Variants in DPYSL4 observed in about 807,000 individuals in gnomAD.
DPYSL4 encodes dihydropyrimidinase like 4.
A neutral mutation model predicts 63.4 loss-of-function variants in DPYSL4; 43 were observed. The ratio of observed to expected loss-of-function variants is 0.68; its 90% CI spans 0.53 to 0.88. The LOEUF (loss-of-function observed/expected upper bound fraction) is 0.88, where lower values mean the gene tolerates loss of function less well. Ranked by LOEUF, DPYSL4 falls within the 40% of genes least tolerant of loss-of-function variation. The pLI is 0.00. For synonymous variants in DPYSL4, 353 were observed against 331.7 expected (o/e 1.06, Z -0.70); for missense variants, 733 against 819.5 (o/e 0.89, Z 1.29).
chr10:132,191,127 T>G (rs28620376), intron 2 of DPYSL4, among the ~76,000 whole-genome samples: 2,588 of 47,964 alleles, frequency 0.054, 62 homozygotes, highest in East Asian at 0.24. Flanking sequence ...ATCCAGGCAG[T>G]TGAAAGTATG....
At chr10:132,188,399 G>A (rs2061832806) in intron 1 of DPYSL4, among the ~76,000 whole-genome samples, 2 of 152,188 alleles carry the variant, frequency 1.3e-5, no homozygotes, top group African/African-American at 2.4e-5. Flanking sequence ...GCCCGGTTGC[G>A]TTTTCTAGGG....
At chr10:132,195,038 G>A (rs191042321) in intron 4 of DPYSL4, 29 bp downstream of exon 4, 349 of 1,589,264 alleles carry the variant, frequency 2.2e-4, no homozygotes, top group African/African-American at 1.8e-3. Flanking sequence ...GCTGGAGGGC[G>A]GGCATGGAGC....
chr10:132,193,516 A>G (rs1419131879), intron 3 of DPYSL4, among the ~76,000 whole-genome samples: 2 of 152,196 alleles, frequency 1.3e-5, no homozygotes, highest in South Asian at 2.1e-4. Flanking sequence ...TGGTGAGCTC[A>G]GGAGGCAGGA....
intron 12 of DPYSL4, chr10:132,203,548 G>C: frequency 1.7e-6 from 1 of 579,612 alleles, no homozygotes; most frequent in Non-Finnish European, 3.1e-6. Context: ...CATTATACAC[G>C]TATGGGGAGG....
intron 4 of DPYSL4, among the ~76,000 whole-genome samples, chr10:132,196,034 C>T (rs568184159): frequency 3.5e-4 from 53 of 152,366 alleles, no homozygotes; most frequent in African/African-American, 1.3e-3. Flanking sequence ...AGGCCTCAAA[C>T]TCCAGGTCAC....
chr10:132,195,959 C>T (rs552911721), intron 4 of DPYSL4, among the ~76,000 whole-genome samples: 18 of 152,326 alleles, frequency 1.2e-4, no homozygotes, highest in Non-Finnish European at 2.2e-4. Context: ...CCTGTGCCCA[C>T]GGGGTAGTGT....
chr10:132,195,475 G>A (rs1210241140), intron 4 of DPYSL4, among the ~76,000 whole-genome samples: 1 of 152,190 alleles, frequency 6.6e-6, no homozygotes, highest in South Asian at 2.1e-4. Flanking sequence ...GGTTTGACAA[G>A]TGGCATATCT....
chr10:132,197,210 A>G (rs2061957668), intron 6 of DPYSL4, 109 bp downstream of exon 6: 9 of 967,856 alleles, frequency 9.3e-6, no homozygotes, highest in Admixed American at 2.9e-5. Context: ...ATACGCAGAC[A>G]TCAGCACAGA....
In DPYSL4 at chr10:132,199,554, TA is replaced by T. The variant is rs932109271; in HGVS notation, c.811+586del. Among the ~76,000 whole-genome samples, 8 of 151,696 alleles carry T rather than the reference TA, an allele frequency of 5.3e-5. No individual in the cohort carries two copies. The South Asian group carries it at 1.3e-3, about 24-fold the overall frequency. ...CCAGGCACAGAACCCAGGTGACGGG[TA>T]AATGAGGGGGCATCCCCTAGGCGGC... On this transcript the variant is annotated intron_variant, in intron 8 of 13. Coordinates refer to ENST00000338492, the MANE Select transcript of DPYSL4 (RefSeq NM_006426.3).
In DPYSL4 at chr10:132,201,978, C is replaced by T. The variant is rs570455781; in HGVS notation, c.1143C>T (p.Val381=). 6.8e-6 allele frequency: 11 copies of T among 1,613,106 alleles called. No homozygotes were observed. The highest frequency in any genetic ancestry group is 4.5e-5 in the East Asian group (2 of 44,886). Residue 381 remains valine, a synonymous_variant, in exon 11 of 14, where the codon GTC becomes GTT. Coordinates refer to ENST00000338492, the MANE Select transcript of DPYSL4 (RefSeq NM_006426.3). The stretch of plus-strand genomic sequence containing the variant: ...GGAAGATGGACGAGAATGAGTTCGT[C>T]GCGGTGACCAGTACAAATGCTGCCA... ...ASGKMDENEF[V]AVTSTNAAKI... is the part of the protein sequence containing the mutation.
At chr10:132,192,535 G>T (rs1030639550) in intron 2 of DPYSL4, 123 bp from the exon 3 acceptor site, 146 of 1,443,284 alleles carry the variant, frequency 1.0e-4, no homozygotes, top group Non-Finnish European at 1.3e-4. Flanking sequence ...GTGGCCGGCC[G>T]TGCTGGCCTT....
At chr10:132,202,923 A>C in intron 12 of DPYSL4, 98 bp downstream of exon 12, 1 of 1,430,610 alleles carries the variant, frequency 7.0e-7, no homozygotes, top group Admixed American at 2.3e-5. Context: ...CGGCCTCCCG[A>C]GGGGTCAGGA....
chr10:132,202,879 C>T, intron 12 of DPYSL4, 54 bp downstream of exon 12: 1 of 1,546,432 alleles, frequency 6.5e-7, no homozygotes, highest in Admixed American at 1.9e-5. Context: ...GCGCTGAGTT[C>T]TAGGCCCAGA....
intron 3 of DPYSL4, 30 bp downstream of exon 3, chr10:132,192,872 GGGC>G (rs2061895717): frequency 6.4e-7 from 1 of 1,563,008 alleles, no homozygotes; most frequent in South Asian, 1.2e-5. Context: ...CCTCTACAGG[GGGC>G]AGCCAGCGTC....
intron 6 of DPYSL4, among the ~76,000 whole-genome samples, chr10:132,198,089 C>A (rs1192583739): frequency 6.6e-6 from 1 of 152,218 alleles, no homozygotes; most frequent in Non-Finnish European, 1.5e-5. Flanking sequence ...TGCACACCCC[C>A]ACACATGCCC....
Position 132,203,805 on chromosome 10 carries a change from C to T in DPYSL4, c.1505C>T (p.Pro502Leu), listed in dbSNP as rs1166594599. The part of the protein sequence containing the change: ...HGVPRGLYDG[P>L]VHEVMVPAKP... ...GTGCCCCGTGGACTGTATGACGGGC[C>T]CGTCCACGAGGTGATGGTGCCTGCC... The change falls in exon 13 of 14, where the codon CCC (proline) becomes CTC (leucine). Residue 502 changes from proline (P) to leucine (L), a missense_variant. Pro to Leu is a moderately conservative substitution (Grantham distance 98, BLOSUM62 -3). Coordinates refer to ENST00000338492, the MANE Select transcript of DPYSL4 (RefSeq NM_006426.3). 1 of 1,612,482 alleles carries T rather than the reference C, an allele frequency of 6.2e-7. No individual in the cohort carries two copies. Among genetic ancestry groups the T allele is most frequent in the Non-Finnish European group, 8.5e-7 (1 of 1,179,646 alleles).
Position 132,205,058 on chromosome 10 carries a change from T to TCC in DPYSL4, c.*132_*133dup. The TCC allele has an allele frequency of 4.5e-6, 3 of 660,358 alleles. No homozygotes were observed. Among genetic ancestry groups the TCC allele is most frequent in the South Asian group, 5.2e-5 (2 of 38,584 alleles). 40.9% of individuals were successfully genotyped at this position (660,358 alleles called of 1,614,324 possible). On this transcript the variant is annotated 3_prime_UTR_variant, in exon 14 of 14. Transcript: ENST00000338492. ...TCGAAGGTGCTTGGCGGTCTTGCCT[T>TCC]CCCCCTCCCCACAGGCTCTCCTTGT...
At chr10:132,204,647 C>T (rs923279552) in intron 13 of DPYSL4, among the ~76,000 whole-genome samples, 192 bp from the exon 14 acceptor site, 2 of 152,170 alleles carry the variant, frequency 1.3e-5, no homozygotes, top group Admixed American at 6.5e-5. Context: ...GCAGCCTCAC[C>T]TGCACCCCGG....
rs147309993 is a variant in DPYSL4 at position 132,192,790 on chromosome 10, C to A, written c.261C>A (p.Asp87Glu). ...QMPVLGMTPA[D>E]DFCQGTKAAL... ...CTGTCCTGGGCATGACACCGGCTGACGACTTCTGTCAGGGCACCAAGGCAG... is the reference window on the plus strand; with the variant it reads ...CTGTCCTGGGCATGACACCGGCTGAAGACTTCTGTCAGGGCACCAAGGCAG... The change falls in exon 3 of 14, where the codon GAC becomes GAA. Residue 87 changes from aspartate (D) to glutamate (E), a missense_variant. Coordinates refer to ENST00000338492, the MANE Select transcript of DPYSL4 (RefSeq NM_006426.3). 2.5e-6 allele frequency: 4 copies of A among 1,612,990 alleles called. No homozygotes were observed. The highest frequency in any genetic ancestry group is 3.4e-6 in the Non-Finnish European group (4 of 1,179,888).
Sources: gnomAD v4.1 joint callset for allele counts (sites outside exome capture counted in the v4.1 genomes callset) on GRCh38, gnomAD v4.1.1 for gene constraint, MANE v1.5 for transcripts, NCBI Gene and HGNC (gene_info 2026-07-23, HGNC 2026-07-21) for gene names.